Variants in MDGA2 observed in about 807,000 individuals in gnomAD.
MDGA2 encodes the protein MAM domain containing glycosylphosphatidylinositol anchor 2.
A neutral mutation model predicts 117.8 loss-of-function variants in MDGA2; 40 were observed. The observed-to-expected ratio is 0.34, with a 90% CI of 0.26 to 0.44. The LOEUF (loss-of-function observed/expected upper bound fraction) is 0.44, where lower values mean the gene tolerates loss of function less well. Ranked by LOEUF, MDGA2 falls within the 20% of genes least tolerant of loss-of-function variation. The pLI is 1.00. For missense variants in MDGA2, 1,123 were observed against 1,250.6 expected, an observed-to-expected ratio of 0.90 and a Z score of 1.54; for synonymous variants, 452 against 439.0, an observed-to-expected ratio of 1.03 and a Z score of -0.37.
chr14:46,910,753 C>A (rs1883667191), intron 10 of MDGA2, among the ~76,000 whole-genome samples: 1 of 152,130 alleles, frequency 6.6e-6, no homozygotes, highest in Admixed American at 6.6e-5. Flanking sequence ...TCAGTGCTCA[C>A]CAATGGTAGA....
At chr14:46,952,987 T>A (rs1885422673) in intron 9 of MDGA2, among the ~76,000 whole-genome samples, 1 of 151,858 alleles carries the variant, frequency 6.6e-6, no homozygotes, top group East Asian at 1.9e-4. Context: ...CCCAACAATA[T>A]GAAAATTTCA....
At chr14:47,640,333 T>C (rs1285225997) in intron 1 of MDGA2, among the ~76,000 whole-genome samples, 1 of 152,106 alleles carries the variant, frequency 6.6e-6, no homozygotes, top group Non-Finnish European at 1.5e-5. Flanking sequence ...TCATTTAACA[T>C]TGACATGATT....
chr14:47,424,198 A>G (rs1408364009), intron 1 of MDGA2, among the ~76,000 whole-genome samples: 1 of 152,090 alleles, frequency 6.6e-6, no homozygotes, highest in Non-Finnish European at 1.5e-5. Flanking sequence ...AGACATGTGG[A>G]TTGCTTGAGT....
At chr14:47,236,972 T>C (rs968830883) in intron 2 of MDGA2, among the ~76,000 whole-genome samples, 7 of 152,180 alleles carry the variant, frequency 4.6e-5, no homozygotes, top group South Asian at 2.1e-4. Flanking sequence ...AAGTTACCTA[T>C]TAATATAACT....
At chr14:47,251,390 T>G (rs1427163200) in intron 2 of MDGA2, among the ~76,000 whole-genome samples, 1 of 152,226 alleles carries the variant, frequency 6.6e-6, no homozygotes, top group Non-Finnish European at 1.5e-5. Flanking sequence ...AGGTTAGACT[T>G]GATCCATCTC....
chr14:47,004,257 T>C (rs1887634080), intron 8 of MDGA2, among the ~76,000 whole-genome samples: 1 of 151,914 alleles, frequency 6.6e-6, no homozygotes. Context: ...CTTTTGTATA[T>C]AGATCAATAG....
At chr14:47,128,464 A>G (rs1436302200) in intron 5 of MDGA2, among the ~76,000 whole-genome samples, 1 of 152,004 alleles carries the variant, frequency 6.6e-6, no homozygotes, top group Non-Finnish European at 1.5e-5. Flanking sequence ...CTGTATCTAT[A>G]TATTTCAAAA....
intron 5 of MDGA2, among the ~76,000 whole-genome samples, chr14:47,129,065 T>C (rs1882052573): frequency 6.6e-6 from 1 of 151,894 alleles, no homozygotes; most frequent in Non-Finnish European, 1.5e-5. Context: ...GACTTTTAAC[T>C]ATACGAAATA....
chr14:47,170,626 G>A (rs932041205), intron 3 of MDGA2, among the ~76,000 whole-genome samples: 7 of 152,010 alleles, frequency 4.6e-5, no homozygotes, highest in African/African-American at 1.7e-4. Flanking sequence ...TTGTTTAGGG[G>A]GAAACAGCTC....
chr14:47,571,597 C>G (rs1194879551), intron 1 of MDGA2, among the ~76,000 whole-genome samples: 1 of 152,112 alleles, frequency 6.6e-6, no homozygotes, highest in African/African-American at 2.4e-5. Flanking sequence ...AGTTCATGTC[C>G]TTTGCAGGGA....
chr14:47,018,057 T>C lies in MDGA2; in HGVS notation c.1819+16954A>G, dbSNP rs572883853. 1.0e-3 allele frequency among the ~76,000 whole-genome samples: 154 copies of C among 152,152 alleles called. 1 individual carries two copies. The highest frequency in any genetic ancestry group is 3.6e-3 in the African/African-American group (148 of 41,548). ...CAGAAACATATATACTCACACACTA[T>C]AAAGAGAAGTAAAAAGTGTACTGTT... On this transcript the variant is annotated intron_variant, in intron 8 of 16. Transcript: ENST00000399232.
At chr14:47,000,333 T>TTATATA (rs199648904) in intron 8 of MDGA2, among the ~76,000 whole-genome samples, 8 of 128,680 alleles carry the variant, frequency 6.2e-5, no homozygotes, top group African/African-American at 8.6e-5. Flanking sequence ...ATATATATAT[T>TTATATA]TATATATATA....
chr14:47,038,426 T>C (rs1393601801), intron 7 of MDGA2, among the ~76,000 whole-genome samples: 1 of 152,196 alleles, frequency 6.6e-6, no homozygotes, highest in Non-Finnish European at 1.5e-5. Flanking sequence ...TTATTGACTA[T>C]AATTTTTTTA....
intron 6 of MDGA2, among the ~76,000 whole-genome samples, chr14:47,073,550 C>G (rs1021665616): frequency 2.0e-5 from 3 of 152,162 alleles, no homozygotes. Flanking sequence ...ACTATTCTTT[C>G]TGCCAAAGGT....
intron 1 of MDGA2, among the ~76,000 whole-genome samples, chr14:47,641,061 C>T (rs915220801): frequency 6.6e-6 from 1 of 151,868 alleles, no homozygotes; most frequent in Non-Finnish European, 1.5e-5. Context: ...TATTCATCTT[C>T]TTCCCAGTGA....
At chr14:47,499,936 T>C (rs982983327) in intron 1 of MDGA2, among the ~76,000 whole-genome samples, 7 of 152,138 alleles carry the variant, frequency 4.6e-5, no homozygotes, top group Non-Finnish European at 1.0e-4. Context: ...ATATTTAATT[T>C]GAAGATGAAA....
At chr14:46,902,972 C>T (rs1055646812) in intron 10 of MDGA2, among the ~76,000 whole-genome samples, 10 of 144,224 alleles carry the variant, frequency 6.9e-5, no homozygotes, top group Non-Finnish European at 1.5e-4. Flanking sequence ...AGAGAATCTC[C>T]CACCGGCCTA....
chr14:47,174,720 A>G (rs951221209), intron 3 of MDGA2, among the ~76,000 whole-genome samples: 1 of 152,188 alleles, frequency 6.6e-6, no homozygotes, highest in Non-Finnish European at 1.5e-5. Context: ...TTGACACCCT[A>G]ACATCACAAT....
intron 1 of MDGA2, among the ~76,000 whole-genome samples, chr14:47,473,459 G>C (rs1893771426): frequency 6.6e-6 from 1 of 152,102 alleles, no homozygotes. Flanking sequence ...GGCTTTTCGT[G>C]TTTTAAAATG....
Sources: gnomAD v4.1 joint callset for allele counts (sites outside exome capture counted in the v4.1 genomes callset) on GRCh38, gnomAD v4.1.1 for gene constraint, MANE v1.5 for transcripts, NCBI Gene and HGNC (gene_info 2026-07-23, HGNC 2026-07-21) for gene names.